Variants in SEL1L2 observed in about 807,000 individuals in gnomAD.
SEL1L2 encodes SEL1L2 adaptor subunit of SYVN1 ubiquitin ligase.
A neutral mutation model predicts 98.8 loss-of-function variants in SEL1L2; 89 were observed. The observed-to-expected ratio is 0.90, with a 90% confidence interval of 0.76 to 1.07. The LOEUF (loss-of-function observed/expected upper bound fraction) is 1.07. Among genes scored for constraint, SEL1L2 ranks in the 50% least tolerant of loss-of-function variants. The pLI, the probability that SEL1L2 is intolerant of heterozygous loss-of-function variation, is 0.00. For missense variants in SEL1L2, 788 were observed against 812.0 expected (o/e 0.97, Z 0.36); for synonymous variants, 262 against 278.5 (o/e 0.94, Z 0.59).
In SEL1L2 at chr20:13,919,644, C is replaced by T. The variant is rs544125704; in HGVS notation, c.284-521G>A. Among the ~76,000 whole-genome samples the T allele has an allele frequency of 3.9e-5, 6 of 152,214 alleles. No homozygotes were observed. The South Asian group carries it at 8.3e-4, about 21-fold the overall frequency. On this transcript the variant is annotated intron_variant, in intron 3 of 19. Transcript: ENST00000284951. ...TGCTTTATAAATTTCCTTGGCTGGG[C>T]GCGGTGACTCACGCCTGTAATCCCA...
At chr20:13,853,078 T>C (rs1988538511) in intron 18 of SEL1L2, among the ~76,000 whole-genome samples, 1 of 152,194 alleles carries the variant, frequency 6.6e-6, no homozygotes, top group Non-Finnish European at 1.5e-5. Context: ...TCATGTATAT[T>C]CACATATACA....
chr20:13,990,512 A>G lies in SEL1L2; in HGVS notation c.23T>C (p.Ile8Thr). 1.2e-6 allele frequency: 2 copies of G among 1,612,766 alleles called. No homozygotes were observed. Among genetic ancestry groups the G allele is most frequent in the East Asian group, 2.2e-5 (1 of 44,858 alleles). The change falls in exon 1 of 20, where the codon ATA (isoleucine) becomes ACA (threonine). Residue 8 changes from isoleucine to threonine, a missense_variant. Physicochemically the swap from Ile to Thr is moderately conservative, Grantham distance 89. Coordinates refer to ENST00000284951, the MANE Select transcript of SEL1L2 (RefSeq NM_025229.2). MKPLSLL[I>T]EILIILGVTI... ...GACCCCAAGAATTATCAATATCTCT[A>G]TTAACAGAGACAAGGGCTTCATCTT...
At chr20:13,874,333 GT>G in intron 12 of SEL1L2, among the ~76,000 whole-genome samples, 1 of 152,254 alleles carries the variant, frequency 6.6e-6, no homozygotes, top group East Asian at 1.9e-4. Context: ...CTAATAAATT[GT>G]TCAGGCGCTG....
At chr20:13,857,227 A>T (rs1213095904) in intron 18 of SEL1L2, among the ~76,000 whole-genome samples, 1 of 149,404 alleles carries the variant, frequency 6.7e-6, no homozygotes, top group Non-Finnish European at 1.5e-5. Context: ...TAATGTAGAG[A>T]CTTTCTGTAG....
At chr20:13,890,394 GA>G (rs796691959) in intron 5 of SEL1L2, among the ~76,000 whole-genome samples, 1,476 of 144,712 alleles carry the variant, frequency 0.01, 18 homozygotes, top group African/African-American at 0.035. Context: ...ACTCCTGGAA[GA>G]AAAAAAAAAA....
At chr20:13,851,302 T>C (rs2147692615) in intron 18 of SEL1L2, 3 of 152,298 alleles carry the variant, frequency 2.0e-5, no homozygotes, top group Admixed American at 2.0e-4. Flanking sequence ...TCTACAATTC[T>C]CATTATCTTC....
intron 2 of SEL1L2, among the ~76,000 whole-genome samples, chr20:13,949,958 C>A (rs535063770): frequency 2.6e-4 from 39 of 152,044 alleles, no homozygotes; most frequent in Non-Finnish European, 4.6e-4. Flanking sequence ...AATCAGCATT[C>A]ATTAATGAAT....
intron 2 of SEL1L2, among the ~76,000 whole-genome samples, chr20:13,951,046 G>C (rs36089923): frequency 6.6e-6 from 1 of 151,620 alleles, no homozygotes; most frequent in African/African-American, 2.4e-5. Context: ...GGAGGCCGAG[G>C]CGTGCGGATC....
At chr20:13,884,724 G>A (rs753805292) in intron 10 of SEL1L2, among the ~76,000 whole-genome samples, 38 of 151,906 alleles carry the variant, frequency 2.5e-4, no homozygotes, top group Middle Eastern at 3.4e-3. Context: ...CGCCAGGATG[G>A]ACTCAATATC....
intron 1 of SEL1L2, among the ~76,000 whole-genome samples, chr20:13,988,950 T>C (rs1181084261): frequency 6.6e-6 from 1 of 151,994 alleles, no homozygotes; most frequent in African/African-American, 2.4e-5. Flanking sequence ...GCAGCGGAGG[T>C]TGCAGTGAGC....
chr20:13,871,182 C>T (rs908948913), intron 12 of SEL1L2, among the ~76,000 whole-genome samples: 4 of 152,070 alleles, frequency 2.6e-5, no homozygotes, highest in African/African-American at 9.7e-5. Context: ...GATTACAATC[C>T]AGCCACTACA....
chr20:13,926,931 A>G (rs917816909), intron 3 of SEL1L2, among the ~76,000 whole-genome samples: 1 of 152,234 alleles, frequency 6.6e-6, no homozygotes, highest in African/African-American at 2.4e-5. Flanking sequence ...GCCAGGAAGG[A>G]CATGGCCTGT....
intron 1 of SEL1L2, among the ~76,000 whole-genome samples, chr20:13,960,176 CA>C (rs141563307): frequency 0.064 from 9,736 of 152,116 alleles, 356 homozygotes; most frequent in Non-Finnish European, 0.073. Flanking sequence ...CCAAAGTACA[CA>C]GAATAAAATT....
intron 17 of SEL1L2, among the ~76,000 whole-genome samples, chr20:13,864,616 G>A (rs141754532): frequency 2.0e-5 from 3 of 152,278 alleles, no homozygotes; most frequent in Non-Finnish European, 4.4e-5. Context: ...ATGGAAACTC[G>A]AGGAAAAGCG....
intron 1 of SEL1L2, among the ~76,000 whole-genome samples, chr20:13,986,998 AT>A (rs1244591372): frequency 6.6e-6 from 1 of 152,050 alleles, no homozygotes; most frequent in Non-Finnish European, 1.5e-5. Flanking sequence ...AGTCCAGCTA[AT>A]TTTTTGTATT....
intron 5 of SEL1L2, among the ~76,000 whole-genome samples, chr20:13,900,674 C>G (rs1197638497): frequency 6.6e-6 from 1 of 152,164 alleles, no homozygotes; most frequent in Non-Finnish European, 1.5e-5. Context: ...GCCAGGACTC[C>G]CTCTCTACAC....
chr20:13,950,541 A>G (rs890885597), intron 2 of SEL1L2, among the ~76,000 whole-genome samples: 7 of 152,200 alleles, frequency 4.6e-5, no homozygotes, highest in African/African-American at 1.7e-4. Context: ...AACAACCTGG[A>G]AAGATATCAG....
chr20:13,930,133 C>G (rs562973067), intron 3 of SEL1L2, among the ~76,000 whole-genome samples: 1 of 152,084 alleles, frequency 6.6e-6, no homozygotes, highest in Admixed American at 6.5e-5. Flanking sequence ...TGCTCTGTGC[C>G]TTGGGACTCT....
At position 13,865,182 on chromosome 20, in the gene SEL1L2, G is replaced by A. The variant is rs181883053; in HGVS notation, c.1630C>T (p.Arg544Ter). ...GGTTCCATACCTTGAATGGCAGCTC[G>A]ATTCCATAGGAGAAGCGCCATTGGA... Reference protein sequence around the residue: ...MYPMALLLWNRAAIQGNAFAR... With the variant: ...MYPMALLLWN The change falls in exon 17 of 20, where the codon CGA becomes TGA. Residue 544 changes from arginine (R) to a stop codon, truncating the protein, a stop_gained. Transcript: ENST00000284951. LOFTEE classifies it high-confidence loss of function. 179 of 1,612,430 alleles carry A rather than the reference G, an allele frequency of 1.1e-4. No homozygotes were observed. The African/African-American group carries it at 1.6e-3, about 14-fold the overall frequency.
Sources: gnomAD v4.1 joint callset for allele counts (sites outside exome capture counted in the v4.1 genomes callset) on GRCh38, gnomAD v4.1.1 for gene constraint, MANE v1.5 for transcripts, NCBI Gene and HGNC (gene_info 2026-07-23, HGNC 2026-07-21) for gene names.